Variants in LARGE1 observed in about 807,000 individuals in gnomAD.
LARGE1 encodes the protein xylosyl- and glucuronyltransferase LARGE1.
A neutral mutation model predicts 87.6 loss-of-function variants in LARGE1; 43 were observed. The observed-to-expected ratio is 0.49, with a 90% CI of 0.38 to 0.63. LARGE1 has a LOEUF of 0.63. Ranked by LOEUF, LARGE1 falls within the 30% of genes least tolerant of loss-of-function variation. The pLI is 0.00. For synonymous variants in LARGE1, 434 were observed against 394.6 expected, an observed-to-expected ratio of 1.10 and a Z score of -1.18; for missense variants, 802 against 1,000.2, an observed-to-expected ratio of 0.80 and a Z score of 2.67.
intron 6 of LARGE1, among the ~76,000 whole-genome samples, chr22:33,481,739 T>C (rs188038997): frequency 1.1e-3 from 170 of 152,270 alleles, no homozygotes; most frequent in African/African-American, 3.9e-3. Flanking sequence ...AGGTGGATAT[T>C]CCCTGGGTAA....
At chr22:33,633,098 T>C (rs1298861454) in intron 3 of LARGE1, among the ~76,000 whole-genome samples, 1 of 152,208 alleles carries the variant, frequency 6.6e-6, no homozygotes, top group African/African-American at 2.4e-5. Context: ...TTGATGTTTT[T>C]AGAGTTGCCA....
chr22:33,400,575 C>T (rs1042292873), intron 7 of LARGE1, among the ~76,000 whole-genome samples: 6 of 152,174 alleles, frequency 3.9e-5, no homozygotes, highest in East Asian at 3.9e-4. Context: ...TCACGGCACA[C>T]GATGATGTCT....
the LARGE1 span, among the ~76,000 whole-genome samples, chr22:33,112,212 C>T: frequency 2.2e-4 from 34 of 152,302 alleles, no homozygotes; most frequent in Admixed American, 9.8e-4. Context: ...GGGTGGTGGC[C>T]TGAGCCAGAA....
At chr22:33,354,061 T>C (rs1409964664) in intron 9 of LARGE1, among the ~76,000 whole-genome samples, 1 of 152,252 alleles carries the variant, frequency 6.6e-6, no homozygotes, top group Non-Finnish European at 1.5e-5. Context: ...ATGTAAGAGA[T>C]GGCACACGTG....
chr22:33,404,101 T>C (rs1057136653), intron 7 of LARGE1, among the ~76,000 whole-genome samples: 7 of 152,210 alleles, frequency 4.6e-5, no homozygotes, highest in African/African-American at 1.7e-4. Flanking sequence ...TAGTCTATTG[T>C]ATGATAAGAA....
chr22:33,085,074 G>A, the LARGE1 span, among the ~76,000 whole-genome samples: 1 of 152,196 alleles, frequency 6.6e-6, no homozygotes, highest in Non-Finnish European at 1.5e-5. Flanking sequence ...TCAGGAGTTC[G>A]AGACCTGCCT....
the LARGE1 span, among the ~76,000 whole-genome samples, chr22:33,081,121 T>G: frequency 6.6e-6 from 1 of 152,160 alleles, no homozygotes; most frequent in Non-Finnish European, 1.5e-5. Context: ...CACTCTCTCT[T>G]TGCCATGTGA....
Position 33,634,674 on chromosome 22 carries a change from A to AAATAAT in LARGE1, c.409-8354_409-8349dup, listed in dbSNP as rs139108196. ...GGCTTCTACTGCAAAAAAAATTTCA[A>AAATAAT]AATAATAATAATAATAATAATAATA... On this transcript the variant is annotated intron_variant, in intron 3 of 14. Coordinates refer to ENST00000397394, the MANE Select transcript of LARGE1 (RefSeq NM_133642.5). Among the ~76,000 whole-genome samples the AAATAAT allele has an allele frequency of 3.5e-3, 520 of 149,482 alleles. 2 individuals carry two copies. The highest frequency in any genetic ancestry group is 2.3e-3 in the Admixed American group (34 of 15,070).
intron 9 of LARGE1, among the ~76,000 whole-genome samples, chr22:33,371,528 T>A (rs968490000): frequency 6.6e-6 from 1 of 152,196 alleles, no homozygotes; most frequent in Admixed American, 6.5e-5. Context: ...CTTGTGTATT[T>A]TACTTTCAGG....
chr22:33,823,247 A>G (rs529002653), intron 1 of LARGE1, among the ~76,000 whole-genome samples: 2 of 152,312 alleles, frequency 1.3e-5, no homozygotes, highest in South Asian at 2.1e-4. Flanking sequence ...TTGGCTGCCC[A>G]AAGGCTGTGT....
chr22:33,669,764 A>AAGACTGAT (rs1422669302), intron 2 of LARGE1, among the ~76,000 whole-genome samples: 1 of 152,236 alleles, frequency 6.6e-6, no homozygotes, highest in Non-Finnish European at 1.5e-5. Context: ...ATATGCCAGG[A>AAGACTGAT]GTCTGAGCCA....
At chr22:33,388,569 A>AT (rs992860804) in intron 7 of LARGE1, among the ~76,000 whole-genome samples, 2 of 151,996 alleles carry the variant, frequency 1.3e-5, no homozygotes, top group Middle Eastern at 3.4e-3. Context: ...GGCTTTTTAA[A>AT]TTTTTTTATT....
the LARGE1 span, among the ~76,000 whole-genome samples, chr22:33,082,578 G>A: frequency 2.6e-5 from 4 of 152,058 alleles, no homozygotes; most frequent in East Asian, 1.9e-4. Context: ...AGCAATCTAC[G>A]CATTTACTTA....
intron 9 of LARGE1, among the ~76,000 whole-genome samples, chr22:33,347,814 C>T (rs1016424425): frequency 1.3e-5 from 2 of 152,052 alleles, no homozygotes; most frequent in African/African-American, 4.8e-5. Flanking sequence ...TTGCAAAGAA[C>T]CACAAGTACT....
chr22:33,669,983 A>G (rs1412202463), intron 2 of LARGE1, among the ~76,000 whole-genome samples: 1 of 152,176 alleles, frequency 6.6e-6, no homozygotes, highest in African/African-American at 2.4e-5. Flanking sequence ...GTGTGTAACC[A>G]AAGAGGATGT....
intron 6 of LARGE1, among the ~76,000 whole-genome samples, chr22:33,506,173 C>T (rs2070755743): frequency 6.6e-6 from 1 of 151,970 alleles, no homozygotes; most frequent in Non-Finnish European, 1.5e-5. Flanking sequence ...TCAAAGGATG[C>T]CCTGAACATA....
chr22:33,288,611 T>TA (rs1931973329), intron 12 of LARGE1, among the ~76,000 whole-genome samples: 1 of 152,220 alleles, frequency 6.6e-6, no homozygotes, highest in Non-Finnish European at 1.5e-5. Flanking sequence ...ACTGTGGGTC[T>TA]TGTAATATAT....
chr22:33,451,379 C>T (rs8140538), intron 6 of LARGE1, among the ~76,000 whole-genome samples: 50,333 of 151,260 alleles, frequency 0.33, 9,069 homozygotes, highest in African/African-American at 0.46. Flanking sequence ...ATTTCAATAG[C>T]TTTTTGGGGA....
At chr22:33,224,143 G>A (rs546558188) in intron 11 of LARGE1, among the ~76,000 whole-genome samples, 33 of 152,138 alleles carry the variant, frequency 2.2e-4, no homozygotes, top group Non-Finnish European at 4.1e-4. Flanking sequence ...GTGGGCACCT[G>A]TTGTTCCAGC....
Sources: allele counts gnomAD v4.1 joint callset (sites outside exome capture counted in the v4.1 genomes callset), GRCh38; gene constraint gnomAD v4.1.1; transcripts MANE v1.5; gene names NCBI Gene and HGNC (gene_info 2026-07-23, HGNC 2026-07-21).